Variants in NRG3 observed in about 807,000 individuals in gnomAD.
The protein encoded by NRG3 is pro-neuregulin-3, membrane-bound isoform.
A neutral mutation model predicts 66.9 loss-of-function variants in NRG3; 31 were observed. The ratio of observed to expected loss-of-function variants is 0.46; its 90% CI spans 0.35 to 0.63. The LOEUF (loss-of-function observed/expected upper bound fraction) is 0.63. Among genes scored for constraint, NRG3 ranks in the 20% least tolerant of loss-of-function variants. The pLI is 0.00. For missense variants in NRG3, 910 were observed against 878.9 expected (o/e 1.04, Z -0.45); for synonymous variants, 393 against 359.4 (o/e 1.09, Z -1.06).
intron 1 of NRG3, among the ~76,000 whole-genome samples, chr10:81,931,032 G>A (rs901745940): frequency 1.3e-5 from 2 of 152,188 alleles, no homozygotes; most frequent in African/African-American, 4.8e-5. Flanking sequence ...GACCCTCCCT[G>A]TCTGCTTACA....
chr10:82,855,297 G>A (rs1334446670), intron 3 of NRG3, among the ~76,000 whole-genome samples: 2 of 152,116 alleles, frequency 1.3e-5, no homozygotes, highest in African/African-American at 4.8e-5. Flanking sequence ...ACACATGGCT[G>A]TTTGCCATGT....
intron 2 of NRG3, among the ~76,000 whole-genome samples, chr10:82,724,472 T>C (rs1246731834): frequency 2.0e-5 from 3 of 152,208 alleles, no homozygotes; most frequent in Non-Finnish European, 4.4e-5. Context: ...TGTTAGTTGA[T>C]TGTACAATAT....
At chr10:82,208,096 A>C (rs909853704) in intron 1 of NRG3, among the ~76,000 whole-genome samples, 3 of 152,228 alleles carry the variant, frequency 2.0e-5, no homozygotes, top group Non-Finnish European at 4.4e-5. Flanking sequence ...AAAAGATGAG[A>C]AAACTGAAAT....
chr10:82,417,825 A>C (rs1230489194), intron 2 of NRG3, among the ~76,000 whole-genome samples: 1 of 152,196 alleles, frequency 6.6e-6, no homozygotes, highest in Non-Finnish European at 1.5e-5. Context: ...GCACATCTGC[A>C]TGTGTGCACT....
In NRG3 at chr10:82,005,934, C is replaced by G. The variant is rs747359550; in HGVS notation, c.823+129771C>G. ...GTGTGTGTGTGTGTGAATCACCTTT[C>G]AGTATAATGAGAAATTTTATTTCAC... is the stretch of plus-strand genomic sequence containing the variant. On this transcript the variant is annotated intron_variant, in intron 1 of 8. Coordinates refer to ENST00000372141, the MANE Select transcript of NRG3 (RefSeq NM_001010848.4). 6.5e-4 allele frequency among the ~76,000 whole-genome samples: 81 copies of G among 124,084 alleles called. 1 individual carries two copies. Among genetic ancestry groups the G allele is most frequent in the Non-Finnish European group, 1.2e-3 (65 of 56,420 alleles). 81.4% of individuals were successfully genotyped at this position (124,084 alleles called of 152,430 possible).
At chr10:82,025,223 A>C (rs2062243938) in intron 1 of NRG3, among the ~76,000 whole-genome samples, 5 of 150,504 alleles carry the variant, frequency 3.3e-5, no homozygotes, top group Admixed American at 3.3e-4. Context: ...TATATTTCTT[A>C]TAATATTAAA....
At chr10:81,889,954 C>T (rs1564634589) in intron 1 of NRG3, among the ~76,000 whole-genome samples, 1 of 152,170 alleles carries the variant, frequency 6.6e-6, no homozygotes, top group South Asian at 2.1e-4. Context: ...CACTGATGCT[C>T]ATCTTGCATT....
chr10:82,895,177 T>C (rs1004046026), intron 4 of NRG3, among the ~76,000 whole-genome samples: 4 of 152,190 alleles, frequency 2.6e-5, no homozygotes, highest in Non-Finnish European at 5.9e-5. Flanking sequence ...ATTTCTATCA[T>C]GGCAATTTCT....
At chr10:82,941,951 G>A (rs193153831) in intron 4 of NRG3, among the ~76,000 whole-genome samples, 9 of 151,980 alleles carry the variant, frequency 5.9e-5, no homozygotes, top group African/African-American at 1.2e-4. Context: ...TTGAGTATGC[G>A]GGTTTCCAGG....
chr10:82,057,209 A>G (rs899308121), intron 1 of NRG3, among the ~76,000 whole-genome samples: 2 of 151,998 alleles, frequency 1.3e-5, no homozygotes, highest in African/African-American at 4.8e-5. Flanking sequence ...CCTTTAAGCC[A>G]TATCTGATAG....
chr10:82,628,734 A>G (rs1334957297), intron 2 of NRG3, among the ~76,000 whole-genome samples: 1 of 152,164 alleles, frequency 6.6e-6, no homozygotes, highest in Non-Finnish European at 1.5e-5. Flanking sequence ...AAGCTCTGTC[A>G]TTTCAGGAAC....
chr10:82,557,995 C>T (rs1254718234), intron 2 of NRG3, among the ~76,000 whole-genome samples: 2 of 152,126 alleles, frequency 1.3e-5, no homozygotes, highest in Non-Finnish European at 2.9e-5. Context: ...GTTTGGAACA[C>T]GTGGAGCTCT....
chr10:82,893,056 CAAAT>C (rs1236025889), intron 4 of NRG3, among the ~76,000 whole-genome samples: 2 of 151,752 alleles, frequency 1.3e-5, no homozygotes, highest in African/African-American at 2.4e-5. Context: ...ATTGATAGAT[CAAAT>C]AAATAATCAA....
At position 82,307,563 on chromosome 10, in the gene NRG3, C is replaced by T. The variant is rs149400488; in HGVS notation, c.824-51176C>T. ...AAATTATCAAGTCATTTAAAAATTC[C>T]AAGACTTTACCAGGATGTTTCACAG... On this transcript the variant is annotated intron_variant, in intron 1 of 8. Transcript: ENST00000372141. Among the ~76,000 whole-genome samples, 718 of 152,182 alleles carry T rather than the reference C, an allele frequency of 4.7e-3. 6 individuals are homozygous for T. Among genetic ancestry groups the T allele is most frequent in the African/African-American group, 0.017 (689 of 41,540 alleles).
chr10:82,032,933 T>A (rs573127040), intron 1 of NRG3, among the ~76,000 whole-genome samples: 68 of 152,110 alleles, frequency 4.5e-4, no homozygotes, highest in Non-Finnish European at 8.2e-4. Flanking sequence ...AAAGTAAATG[T>A]TAAAGAATCA....
chr10:82,509,192 A>G (rs1590399077), intron 2 of NRG3, among the ~76,000 whole-genome samples: 1 of 151,834 alleles, frequency 6.6e-6, no homozygotes. Flanking sequence ...TCCTTGCCAT[A>G]CTTCTACTCT....
intron 4 of NRG3, among the ~76,000 whole-genome samples, chr10:82,878,392 G>A (rs1439112735): frequency 1.3e-5 from 2 of 152,238 alleles, no homozygotes; most frequent in Non-Finnish European, 2.9e-5. Flanking sequence ...TGTGTGCAGA[G>A]TTTGCCTGAA....
chr10:82,667,624 T>G (rs967288744), intron 2 of NRG3, among the ~76,000 whole-genome samples: 11 of 151,632 alleles, frequency 7.3e-5, no homozygotes, highest in African/African-American at 2.7e-4. Flanking sequence ...TGAGAGGAGG[T>G]GAAAGTATAC....
At chr10:82,544,307 G>C (rs2043745253) in intron 2 of NRG3, among the ~76,000 whole-genome samples, 1 of 152,012 alleles carries the variant, frequency 6.6e-6, no homozygotes, top group Non-Finnish European at 1.5e-5. Context: ...CCAGGAACTT[G>C]TTTTTTTGTT....
Sources: gnomAD v4.1 joint callset for allele counts (sites outside exome capture counted in the v4.1 genomes callset) on GRCh38, gnomAD v4.1.1 for gene constraint, MANE v1.5 for transcripts, NCBI Gene and HGNC (gene_info 2026-07-23, HGNC 2026-07-21) for gene names.